PGS1: variants seen among roughly 807,000 people sequenced by gnomAD.
The protein encoded by PGS1 is CDP-diacylglycerol--glycerol-3-phosphate 3-phosphatidyltransferase, mitochondrial.
In PGS1, 44 loss-of-function variants were observed where a neutral mutation model predicts 58.3. The observed-to-expected ratio is 0.75, with a 90% CI of 0.59 to 0.97. PGS1 has a LOEUF of 0.97. PGS1 is among the 50% of genes least tolerant of loss of function. The pLI, the probability that PGS1 is intolerant of heterozygous loss-of-function variation, is 0.00. For missense variants in PGS1, 684 were observed against 731.1 expected, an observed-to-expected ratio of 0.94 and a Z score of 0.74; for synonymous variants, 330 against 311.0, an observed-to-expected ratio of 1.06 and a Z score of -0.64.
intron 1 of PGS1, among the ~76,000 whole-genome samples, chr17:78,384,908 AT>A (rs1401856848): frequency 6.8e-6 from 1 of 146,626 alleles, no homozygotes; most frequent in African/African-American, 2.5e-5. Flanking sequence ...CCGCGGTGTA[AT>A]TCCCTGGTGT....
intron 8 of PGS1, among the ~76,000 whole-genome samples, chr17:78,415,925 C>T (rs778069142): frequency 2.0e-5 from 3 of 152,188 alleles, no homozygotes; most frequent in Non-Finnish European, 4.4e-5. Context: ...ATAACACTGC[C>T]GCAGGCCAGA....
intron 1 of PGS1, among the ~76,000 whole-genome samples, chr17:78,385,229 G>A (rs1018371545): frequency 6.6e-6 from 1 of 151,674 alleles, no homozygotes; most frequent in Non-Finnish European, 1.5e-5. Context: ...AGCCATTTTC[G>A]TGCCTCAACC....
intron 7 of PGS1, among the ~76,000 whole-genome samples, chr17:78,411,483 A>G (rs374666961): frequency 1.3e-5 from 2 of 152,136 alleles, no homozygotes; most frequent in East Asian, 1.9e-4. Flanking sequence ...AGTGTGGAGT[A>G]GCAGCCGCCT....
In PGS1 at chr17:78,403,819, C is replaced by A; in HGVS notation, c.1132C>A (p.Arg378Ser). Reference protein sequence around the residue: ...VTETLLTEAERGAKVYLTTGY... With the variant: ...VTETLLTEAESGAKVYLTTGY... ...TGAGACCCTGTTGACTGAGGCGGAG[C>A]GCGGGGCAAAGGTCTACCTCACCAC... Residue 378 changes from arginine (R) to serine (S), a missense_variant, in exon 7 of 10, where the codon CGC becomes AGC. Arg to Ser is a moderately radical substitution (Grantham distance 110, BLOSUM62 -1). Coordinates refer to ENST00000262764, the MANE Select transcript of PGS1 (RefSeq NM_024419.5). 1.9e-6 allele frequency: 3 copies of A among 1,614,230 alleles called. No homozygotes were observed. The highest frequency in any genetic ancestry group is 2.5e-6 in the Non-Finnish European group (3 of 1,180,054).
At chr17:78,415,073 T>TG (rs3833108) in intron 8 of PGS1, 46 bp downstream of exon 8, 1,171,276 of 1,602,826 alleles carry the variant, frequency 0.73, 433,787 homozygotes, top group East Asian at 0.94. Flanking sequence ...AGGGTGTGGC[T>TG]GGGGGCCCAG....
Position 78,404,192 on chromosome 17 carries a change from C to T in PGS1, c.1402+103C>T, listed in dbSNP as rs374175459. 4.8e-6 allele frequency: 6 copies of T among 1,247,350 alleles called. No individual in the cohort carries two copies. In the African/African-American group the frequency reaches 9.1e-5, roughly 19 times the overall value. 77.3% of individuals were successfully genotyped at this position (1,247,350 alleles called of 1,614,324 possible). A position where few individuals can be genotyped will look rare whatever the true frequency, so the allele number is the denominator to read the frequency against. ...CTACCTGTTAGAGTGCTGTACTTCTCCCTTCCTACCTTCCCAGCAGCCCTT... is the reference window on the plus strand; with the variant it reads ...CTACCTGTTAGAGTGCTGTACTTCTTCCTTCCTACCTTCCCAGCAGCCCTT... On this transcript the variant is annotated intron_variant, in intron 7 of 9. Coordinates refer to ENST00000262764, the MANE Select transcript of PGS1 (RefSeq NM_024419.5).
chr17:78,415,632 C>T (rs1351651833), intron 8 of PGS1, among the ~76,000 whole-genome samples: 1 of 152,168 alleles, frequency 6.6e-6, no homozygotes, highest in African/African-American at 2.4e-5. Flanking sequence ...AACTCTGTCT[C>T]AAAAAATAAA....
At chr17:78,386,990 GTGA>G (rs970094306) in intron 1 of PGS1, among the ~76,000 whole-genome samples, 9 of 146,720 alleles carry the variant, frequency 6.1e-5, no homozygotes, top group South Asian at 4.2e-4. Flanking sequence ...GGTGATGATG[GTGA>G]TGATGATGAT....
At position 78,384,579 on chromosome 17, in the gene PGS1, G is replaced by T. The variant is rs540461530; in HGVS notation, c.143+5771G>T. On this transcript the variant is annotated intron_variant, in intron 1 of 9. Transcript: ENST00000262764. ...GGATGGGCTCCAGGCCACAGAGTCTGTACCGTGAATGTACCTTACGGTTAA... is the reference window on the plus strand; with the variant it reads ...GGATGGGCTCCAGGCCACAGAGTCTTTACCGTGAATGTACCTTACGGTTAA... Among the ~76,000 whole-genome samples, 13 of 152,250 alleles carry T rather than the reference G, an allele frequency of 8.5e-5. No homozygotes were observed. The East Asian group carries it at 2.3e-3, about 27-fold the overall frequency.
intron 2 of PGS1, 110 bp from the exon 3 acceptor site, chr17:78,396,198 T>C (rs2083216968): frequency 2.6e-6 from 2 of 778,126 alleles, no homozygotes; most frequent in East Asian, 2.5e-5. Context: ...GGTGAAGACA[T>C]AGGATAGTTC....
At chr17:78,409,866 T>A (rs2084480424) in intron 7 of PGS1, among the ~76,000 whole-genome samples, 1 of 152,240 alleles carries the variant, frequency 6.6e-6, no homozygotes, top group Admixed American at 6.5e-5. Context: ...ATCCCAGCAC[T>A]TTGGGAGGCC....
intron 5 of PGS1, 130 bp downstream of exon 5, chr17:78,399,667 C>T (rs902417367): frequency 3.3e-5 from 28 of 840,672 alleles, no homozygotes; most frequent in Admixed American, 2.9e-4. Flanking sequence ...CTGCTGTGCA[C>T]CCGCGGCACC....
rs373035380 is a variant in PGS1 at position 78,400,877 on chromosome 17, C to T, written c.880+22C>T. On this transcript the variant is annotated intron_variant, in intron 6 of 9. Transcript: ENST00000262764. This position sits in a 1 kb window ranked among gnomAD's most constrained non-coding sequence, Gnocchi z 4.4. Reference sequence around the variant, plus strand: ...AAAGGTAGGGGCTGCCGCTGACACCCTTCTATGGCTGTGGGTGGGGTGGAG... The same window carrying T: ...AAAGGTAGGGGCTGCCGCTGACACCTTTCTATGGCTGTGGGTGGGGTGGAG... 31 of 1,558,000 alleles carry T rather than the reference C, an allele frequency of 2.0e-5. No homozygotes were observed. The African/African-American group carries it at 3.1e-4, about 16-fold the overall frequency.
At chr17:78,410,747 C>T (rs984983916) in intron 7 of PGS1, among the ~76,000 whole-genome samples, 1 of 152,016 alleles carries the variant, frequency 6.6e-6, no homozygotes, top group African/African-American at 2.4e-5. Context: ...CCTGGGATTA[C>T]GGGGTTGAGC....
chr17:78,409,322 A>G (rs970457341), intron 7 of PGS1, among the ~76,000 whole-genome samples: 2 of 152,210 alleles, frequency 1.3e-5, no homozygotes, highest in Non-Finnish European at 2.9e-5. Flanking sequence ...CTAACAACAC[A>G]ATGTGGGTGG....
chr17:78,378,916 C>T (rs570992274), intron 1 of PGS1, 108 bp downstream of exon 1: 43 of 1,218,420 alleles, frequency 3.5e-5, no homozygotes, highest in Non-Finnish European at 4.4e-5. Flanking sequence ...CGAGTCCCTC[C>T]CCGGTTTCCG....
chr17:78,415,739 C>T (rs140636707), intron 8 of PGS1, among the ~76,000 whole-genome samples: 5 of 152,352 alleles, frequency 3.3e-5, no homozygotes, highest in South Asian at 4.1e-4. Flanking sequence ...GTGAATGCTT[C>T]GGGATGACCC....
chr17:78,392,982 C>G (rs923429688), intron 2 of PGS1, among the ~76,000 whole-genome samples: 1 of 152,116 alleles, frequency 6.6e-6, no homozygotes, highest in Admixed American at 6.5e-5. Context: ...GGGTCTTGAA[C>G]CACTGGGCTC....
chr17:78,408,813 G>A (rs186683133), intron 7 of PGS1, among the ~76,000 whole-genome samples: 172 of 152,262 alleles, frequency 1.1e-3, no homozygotes, highest in African/African-American at 3.8e-3. Context: ...CCTGGCCCTC[G>A]CTCCTCGCCC....
Sources: allele counts gnomAD v4.1 joint callset (sites outside exome capture counted in the v4.1 genomes callset), GRCh38; gene constraint gnomAD v4.1.1; non-coding constraint Gnocchi (gnomAD v3.1); transcripts MANE v1.5; gene names NCBI Gene and HGNC (gene_info 2026-07-23, HGNC 2026-07-21).